The following DYNLRB1 variants were observed in gnomAD, a reference collection of about 807,000 sequenced individuals.
DYNLRB1 encodes dynein light chain roadblock-type 1, also known as ROBL/LC7-like 1.
DYNLRB1 carries 6 observed loss-of-function variants against 13.5 expected under a neutral mutation model. That is an observed-to-expected ratio of 0.44 (90% CI 0.24 to 0.88). The LOEUF (loss-of-function observed/expected upper bound fraction) is 0.88. DYNLRB1 is among the 40% of genes least tolerant of loss of function. DYNLRB1 has a pLI of 0.21. For missense variants in DYNLRB1, 93 were observed against 127.2 expected, an observed-to-expected ratio of 0.73 and a Z score of 1.29; for synonymous variants, 43 against 45.0, an observed-to-expected ratio of 0.96 and a Z score of 0.18.
chr20:34,524,726 T>G (rs1351946172), intron 1 of DYNLRB1, among the ~76,000 whole-genome samples: 2 of 151,804 alleles, frequency 1.3e-5, no homozygotes, highest in African/African-American at 4.8e-5. Context: ...TTCCACTTTT[T>G]TTTTTGTTTT....
At chr20:34,538,920 T>C (rs964020429) in intron 3 of DYNLRB1, among the ~76,000 whole-genome samples, 1 of 152,226 alleles carries the variant, frequency 6.6e-6, no homozygotes, top group Non-Finnish European at 1.5e-5. Flanking sequence ...TACCCTGGAT[T>C]GGGCAAGCCC....
intron 1 of DYNLRB1, among the ~76,000 whole-genome samples, chr20:34,524,289 G>A (rs1040676237): frequency 6.6e-6 from 1 of 152,050 alleles, no homozygotes; most frequent in Admixed American, 6.5e-5. Context: ...GCATTTTGCT[G>A]TTTTCACTTA....
intron 1 of DYNLRB1, among the ~76,000 whole-genome samples, chr20:34,518,901 T>G (rs563320835): frequency 2.1e-4 from 32 of 152,200 alleles, no homozygotes; most frequent in African/African-American, 7.5e-4. Flanking sequence ...ACTTTTTTTT[T>G]TTTTCTTTTG....
chr20:34,526,251 G>A lies in DYNLRB1; in HGVS notation c.4-17G>A, dbSNP rs770121223. The A allele has an allele frequency of 2.5e-6, 4 of 1,613,988 alleles. No homozygotes were observed. Among genetic ancestry groups the A allele is most frequent in the African/African-American group, 2.7e-5 (2 of 75,020 alleles). On this transcript the variant is annotated splice_polypyrimidine_tract_variant and intron_variant, in intron 1 of 3. Coordinates refer to ENST00000357156, the MANE Select transcript of DYNLRB1 (RefSeq NM_014183.4). ...TGCCTATCGGCCTCTCCTAACCTTG[G>A]TCTTGTTTTCTGGCAGGCAGAGGTG...
intron 3 of DYNLRB1, chr20:34,536,287 A>C: frequency 1.0e-6 from 1 of 985,400 alleles, no homozygotes; most frequent in Non-Finnish European, 1.2e-6. Context: ...CCACATCTGT[A>C]AAGTGTCGAG....
At chr20:34,523,140 C>T (rs986165311) in intron 1 of DYNLRB1, among the ~76,000 whole-genome samples, 3 of 152,042 alleles carry the variant, frequency 2.0e-5, no homozygotes, top group Non-Finnish European at 2.9e-5. Flanking sequence ...AAGCCTCCTG[C>T]GGGCTCTGGA....
In DYNLRB1 at chr20:34,535,642, A is replaced by G. The variant is rs564540517; in HGVS notation, c.247+847A>G. Reference sequence around the variant, plus strand: ...CACTCTGCTTTTTCTTGGCTGAGCCACATAGTTGAGTGTGCGTGCGTCACG... The same window carrying G: ...CACTCTGCTTTTTCTTGGCTGAGCCGCATAGTTGAGTGTGCGTGCGTCACG... On this transcript the variant is annotated intron_variant, in intron 3 of 3. Coordinates refer to ENST00000357156, the MANE Select transcript of DYNLRB1 (RefSeq NM_014183.4). 3.5e-5 allele frequency: 34 copies of G among 985,178 alleles called. No individual in the cohort carries two copies. The African/African-American group carries it at 5.6e-4, about 16-fold the overall frequency. The allele number at this position is 985,178 out of a possible 1,614,324, so 61.0% of individuals were successfully genotyped here.
At chr20:34,519,511 TAAGAG>T (rs1333320736) in intron 1 of DYNLRB1, among the ~76,000 whole-genome samples, 1 of 152,084 alleles carries the variant, frequency 6.6e-6, no homozygotes, top group African/African-American at 2.4e-5. Context: ...GAGAAAAAAA[TAAGAG>T]AAAACAGAAG....
chr20:34,530,257 C>G, intron 2 of DYNLRB1: 2 of 1,043,450 alleles, frequency 1.9e-6, no homozygotes, highest in Non-Finnish European at 2.3e-6. Context: ...TTTTTGTATA[C>G]TCATGGGGCT....
At position 34,540,701 on chromosome 20, in the gene DYNLRB1, C is replaced by T; in HGVS notation, c.*77C>T. 1 of 1,484,886 alleles carries T rather than the reference C, an allele frequency of 6.7e-7. No homozygotes were observed. The highest frequency in any genetic ancestry group is 9.4e-7 in the Non-Finnish European group (1 of 1,067,468). The allele number at this position is 1,484,886 out of a possible 1,614,324, so 92.0% of individuals were successfully genotyped here. A position where few individuals can be genotyped will look rare whatever the true frequency, so the allele number is the denominator to read the frequency against. ...TGTTAATGTCAATCATGTCAGTGGACTAGCACATGGCAGTCGCTTGGAACC... is the reference window on the plus strand; with the variant it reads ...TGTTAATGTCAATCATGTCAGTGGATTAGCACATGGCAGTCGCTTGGAACC... On this transcript the variant is annotated 3_prime_UTR_variant, in exon 4 of 4. Transcript: ENST00000357156.
At chr20:34,528,527 C>T (rs1006011746) in intron 2 of DYNLRB1, among the ~76,000 whole-genome samples, 4 of 152,086 alleles carry the variant, frequency 2.6e-5, no homozygotes, top group Admixed American at 6.5e-5. Flanking sequence ...GGTCAGTGAA[C>T]GTTAAATGAA....
At chr20:34,538,421 C>T (rs917655290) in intron 3 of DYNLRB1, among the ~76,000 whole-genome samples, 1 of 151,888 alleles carries the variant, frequency 6.6e-6, no homozygotes, top group Non-Finnish European at 1.5e-5. Flanking sequence ...TGGGCAACAG[C>T]GAGACCCAGT....
intron 3 of DYNLRB1, among the ~76,000 whole-genome samples, chr20:34,538,532 A>G (rs180791926): frequency 1.1e-3 from 164 of 152,276 alleles, no homozygotes; most frequent in Non-Finnish European, 1.9e-3. Context: ...AACCTTCAAC[A>G]CACACTACCT....
intron 1 of DYNLRB1, among the ~76,000 whole-genome samples, chr20:34,517,714 C>CGCCTCCCA (rs1159070543): frequency 3.0e-4 from 46 of 151,022 alleles, no homozygotes; most frequent in Non-Finnish European, 7.4e-5. Context: ...CTGCCACCTC[C>CGCCTCCCA]GCCTCCCAGG....
At chr20:34,526,136 T>G in intron 1 of DYNLRB1, 132 bp from the exon 2 acceptor site, 1 of 940,830 alleles carries the variant, frequency 1.1e-6, no homozygotes, top group Non-Finnish European at 1.7e-6. Context: ...TGGGGAACTT[T>G]GAGGGTGTGC....
chr20:34,531,065 A>G (rs1980679035), intron 2 of DYNLRB1: 1 of 152,252 alleles, frequency 6.6e-6, no homozygotes, highest in African/African-American at 2.4e-5. Flanking sequence ...ACCCCCTGCC[A>G]TCCTCTGCTG....
intron 3 of DYNLRB1, among the ~76,000 whole-genome samples, chr20:34,536,842 AGG>A (rs1981188896): frequency 6.6e-6 from 1 of 151,778 alleles, no homozygotes. Flanking sequence ...CTGGGAGTTC[AGG>A]GTATGGGGGA....
chr20:34,527,972 A>G (rs1020477191), intron 2 of DYNLRB1, among the ~76,000 whole-genome samples: 1 of 152,206 alleles, frequency 6.6e-6, no homozygotes, highest in African/African-American at 2.4e-5. Context: ...ATGTTTCTAC[A>G]TTGGTTTTAA....
Position 34,528,311 on chromosome 20 carries a change from C to CAAAAAA in DYNLRB1, c.79+1996_79+2001dup, listed in dbSNP as rs59104612. Among the ~76,000 whole-genome samples the CAAAAAA allele has an allele frequency of 2.5e-3, 13 of 5,206 alleles. 3 individuals carry two copies. The highest frequency in any genetic ancestry group is 0.011 in the African/African-American group (8 of 746). The allele number at this position is 5,206 out of a possible 152,430, so 3.4% of individuals were successfully genotyped here. A position where few individuals can be genotyped will look rare whatever the true frequency, so the allele number is the denominator to read the frequency against. ...TGGGCGACAGAGCGAGACTCCGTCT[C>CAAAAAA]AAAAAAAAAAAAAAAAAAAAAAAAA... On this transcript the variant is annotated intron_variant, in intron 2 of 3. Transcript: ENST00000357156.
Sources: allele counts gnomAD v4.1 joint callset (sites outside exome capture counted in the v4.1 genomes callset), GRCh38; gene constraint gnomAD v4.1.1; transcripts MANE v1.5; gene names NCBI Gene and HGNC (gene_info 2026-07-23, HGNC 2026-07-21).